UBXN2A: variants seen among roughly 807,000 people sequenced by gnomAD.
UBXN2A encodes the protein UBX domain-containing protein 2A.
UBXN2A carries 28 observed loss-of-function variants against 28.4 expected under a neutral mutation model. That is an observed-to-expected ratio of 0.99 (90% CI 0.73 to 1.35). The LOEUF (loss-of-function observed/expected upper bound fraction) is 1.35, where lower values mean the gene tolerates loss of function less well. Among genes scored for constraint, UBXN2A ranks in the 40% most tolerant of loss-of-function variants. UBXN2A has a pLI of 0.00. For synonymous variants in UBXN2A, 97 were observed against 103.6 expected (o/e 0.94, Z 0.39); for missense variants, 253 against 297.9 (o/e 0.85, Z 1.11).
chr2:23,928,825 CCTT>C (rs1183217226), intron 1 of UBXN2A, among the ~76,000 whole-genome samples: 3 of 152,080 alleles, frequency 2.0e-5, no homozygotes, highest in Non-Finnish European at 4.4e-5. Context: ...ATAGATAAAT[CCTT>C]CTGACACAAT....
At chr2:23,977,207 A>G in intron 4 of UBXN2A, 132 bp downstream of exon 4, 1 of 616,500 alleles carries the variant, frequency 1.6e-6, no homozygotes, top group South Asian at 2.4e-5. Context: ...TACTTAAAAA[A>G]AGAAAATTAC....
chr2:23,964,774 T>TA (rs1206440160), intron 2 of UBXN2A, among the ~76,000 whole-genome samples: 3 of 152,124 alleles, frequency 2.0e-5, no homozygotes, highest in East Asian at 1.9e-4. Flanking sequence ...CATGATAAAA[T>TA]AAAAAAAACT....
At chr2:23,929,588 C>T (rs1193877836) in intron 1 of UBXN2A, among the ~76,000 whole-genome samples, 1 of 151,830 alleles carries the variant, frequency 6.6e-6, no homozygotes, top group Non-Finnish European at 1.5e-5. Flanking sequence ...TGGCAGACAC[C>T]TATAATCCCA....
At chr2:23,928,421 C>CA (rs796379337) in intron 1 of UBXN2A, among the ~76,000 whole-genome samples, 3 of 151,812 alleles carry the variant, frequency 2.0e-5, no homozygotes, top group South Asian at 2.1e-4. Flanking sequence ...ACTAAAAATA[C>CA]AAAAAATTAG....
At chr2:23,982,072 A>T (rs924145482) in intron 4 of UBXN2A, among the ~76,000 whole-genome samples, 5 of 150,800 alleles carry the variant, frequency 3.3e-5, no homozygotes, top group Non-Finnish European at 1.5e-5. Flanking sequence ...ATGTTTTAAG[A>T]AAGTTTTCCA....
intron 5 of UBXN2A, among the ~76,000 whole-genome samples, chr2:23,983,731 A>C (rs1177472246): frequency 6.6e-6 from 1 of 151,900 alleles, no homozygotes; most frequent in African/African-American, 2.4e-5. Context: ...GCTGGAGTGC[A>C]GTGGCATGAT....
At chr2:23,956,838 A>C (rs2150831153) in intron 1 of UBXN2A, among the ~76,000 whole-genome samples, 1 of 152,254 alleles carries the variant, frequency 6.6e-6, no homozygotes, top group African/African-American at 2.4e-5. Context: ...CTGGTATGTC[A>C]TTGCTTCCAG....
At chr2:23,944,651 T>C (rs1326086479) in intron 1 of UBXN2A, among the ~76,000 whole-genome samples, 3 of 152,198 alleles carry the variant, frequency 2.0e-5, no homozygotes, top group Non-Finnish European at 2.9e-5. Flanking sequence ...TGATTTGTGC[T>C]GAAGGTCAGC....
At chr2:23,936,298 A>G (rs550239115), upstream of UBXN2A, among the ~76,000 whole-genome samples, 27 of 152,354 alleles carry the variant, frequency 1.8e-4, no homozygotes, top group African/African-American at 5.0e-4. Flanking sequence ...GACACATGCT[A>G]TAACATGAAT....
intron 5 of UBXN2A, among the ~76,000 whole-genome samples, chr2:23,983,472 T>C (rs1044117423): frequency 6.6e-6 from 1 of 151,694 alleles, no homozygotes; most frequent in Non-Finnish European, 1.5e-5. Context: ...GCGCCATTGC[T>C]CTCCAGTCTG....
At chr2:23,943,999 C>A in intron 1 of UBXN2A, 1 of 497,892 alleles carries the variant, frequency 2.0e-6, no homozygotes, top group Non-Finnish European at 3.9e-6. Flanking sequence ...TCAAACCGTC[C>A]CGTATCTCCC....
intron 1 of UBXN2A, among the ~76,000 whole-genome samples, chr2:23,928,212 AGAAAGAAAG>A (rs1440290642): frequency 2.0e-5 from 3 of 151,128 alleles, no homozygotes; most frequent in South Asian, 2.1e-4. Flanking sequence ...AGAGAAAGGA[AGAAAGAAAG>A]GAAAGAAAGA....
At chr2:23,951,876 C>T (rs948473493) in intron 1 of UBXN2A, among the ~76,000 whole-genome samples, 16 of 151,538 alleles carry the variant, frequency 1.1e-4, no homozygotes, top group Admixed American at 2.6e-4. Flanking sequence ...TAAAGTGAAG[C>T]AATTAATTTT....
chr2:23,963,436 C>T (rs182144658), intron 2 of UBXN2A, among the ~76,000 whole-genome samples: 16 of 147,852 alleles, frequency 1.1e-4, no homozygotes, highest in Admixed American at 6.1e-4. Flanking sequence ...TGCACCACTG[C>T]ACTCCAGCCT....
In UBXN2A at chr2:24,002,800, G is replaced by T. The variant is rs1332455115; in HGVS notation, c.*2933G>T. 2 of 152,150 alleles carry T rather than the reference G, an allele frequency of 1.3e-5. No homozygotes were observed. Among genetic ancestry groups the T allele is most frequent in the Non-Finnish European group, 2.9e-5 (2 of 68,038 alleles). 9.4% of individuals were successfully genotyped at this position (152,150 alleles called of 1,614,324 possible). On this transcript the variant is annotated 3_prime_UTR_variant, in exon 7 of 7. Transcript: ENST00000309033. ...CTTTCTGTCATAAAGAAGATAGATG[G>T]GTTCTCATGTCTTCTACATTCAGTC...
chr2:23,941,423 A>C (rs1490443130), intron 1 of UBXN2A, among the ~76,000 whole-genome samples: 1 of 152,206 alleles, frequency 6.6e-6, no homozygotes, highest in Non-Finnish European at 1.5e-5. Context: ...CAGTGAATAC[A>C]GAGTATCTTT....
At chr2:23,971,138 G>A in intron 2 of UBXN2A, 138 bp from the exon 3 acceptor site, 1 of 942,474 alleles carries the variant, frequency 1.1e-6, no homozygotes, top group South Asian at 3.2e-5. Flanking sequence ...CTTCCCCAAG[G>A]TTATATTAAC....
At chr2:23,992,650 GGT>G (rs1041596210) in intron 6 of UBXN2A, among the ~76,000 whole-genome samples, 11 of 152,152 alleles carry the variant, frequency 7.2e-5, no homozygotes, top group African/African-American at 2.7e-4. Context: ...CAAATGCCAA[GGT>G]GCCATATTTT....
At chr2:23,948,671 C>CT (rs1339603785) in intron 1 of UBXN2A, among the ~76,000 whole-genome samples, 1 of 152,040 alleles carries the variant, frequency 6.6e-6, no homozygotes, top group African/African-American at 2.4e-5. Context: ...TATGTCCATG[C>CT]TATAAGTTAG....
Sources: gnomAD v4.1 joint callset for allele counts (sites outside exome capture counted in the v4.1 genomes callset) on GRCh38, gnomAD v4.1.1 for gene constraint, MANE v1.5 for transcripts, NCBI Gene and HGNC (gene_info 2026-07-23, HGNC 2026-07-21) for gene names.